C4orf50: variants seen among roughly 807,000 people sequenced by gnomAD.
C4orf50 encodes the protein uncharacterized protein C4orf50.
C4orf50 carries 80 observed loss-of-function variants against 77.2 expected under a neutral mutation model. The ratio of observed to expected loss-of-function variants is 1.04; its 90% confidence interval spans 0.87 to 1.25. The LOEUF is 1.25. Ranked by LOEUF, C4orf50 falls within the 50% of genes most tolerant of loss-of-function variation. C4orf50 has a pLI of 0.00. For missense variants in C4orf50, 1,257 were observed against 1,152.9 expected (o/e 1.09, Z -1.31); for synonymous variants, 532 against 465.3 (o/e 1.14, Z -1.84).
exon 28 of C4orf50, chr4:5,990,593 C>G (rs537002462): frequency 2.5e-6 from 1 of 398,996 alleles, no homozygotes; most frequent in African/African-American, 2.1e-5. Context: ...TCTGAGGGAA[C>G]CTCCTGGAGC....
chr4:5,966,960 G>C (rs1719608670), intron 32 of C4orf50, among the ~76,000 whole-genome samples: 1 of 152,156 alleles, frequency 6.6e-6, no homozygotes, highest in African/African-American at 2.4e-5. Flanking sequence ...TATCCTAACA[G>C]TTTCAAACTT....
At chr4:5,949,166 C>A (rs866534122) in intron 7 of C4orf50, among the ~76,000 whole-genome samples, 6 of 152,144 alleles carry the variant, frequency 3.9e-5, no homozygotes, top group East Asian at 1.9e-4. Context: ...AGCAGCAAGA[C>A]CCCCGCCCTG....
chr4:5,979,544 G>C (rs1390382270), intron 29 of C4orf50, among the ~76,000 whole-genome samples: 1 of 152,246 alleles, frequency 6.6e-6, no homozygotes, highest in Non-Finnish European at 1.5e-5. Context: ...TGTTAAGGTT[G>C]AGGAGAAGGA....
At chr4:5,982,881 A>G (rs1013703768) in intron 28 of C4orf50, among the ~76,000 whole-genome samples, 4 of 152,122 alleles carry the variant, frequency 2.6e-5, no homozygotes, top group African/African-American at 4.8e-5. Context: ...GAAGGTGAAG[A>G]ATGAGGGCAG....
At chr4:6,013,676 G>A (rs949254400) in intron 23 of C4orf50, among the ~76,000 whole-genome samples, 1 of 152,100 alleles carries the variant, frequency 6.6e-6, no homozygotes, top group Non-Finnish European at 1.5e-5. Flanking sequence ...ACTTAGGGAC[G>A]GCCCTGTGGA....
At chr4:5,913,741 C>G (rs1716908235) in intron 7 of C4orf50, among the ~76,000 whole-genome samples, 1 of 152,202 alleles carries the variant, frequency 6.6e-6, no homozygotes, top group Admixed American at 6.5e-5. Flanking sequence ...GACCAAACCT[C>G]CAGGCTGCCA....
chr4:5,978,542 A>G (rs1720405460), intron 29 of C4orf50, among the ~76,000 whole-genome samples: 1 of 152,214 alleles, frequency 6.6e-6, no homozygotes, highest in Non-Finnish European at 1.5e-5. Flanking sequence ...GTTTCCACAC[A>G]CACCCCCTCC....
At chr4:5,906,377 A>G (rs562339130) in intron 7 of C4orf50, among the ~76,000 whole-genome samples, 9 of 152,280 alleles carry the variant, frequency 5.9e-5, no homozygotes, top group African/African-American at 1.9e-4. Context: ...TTTTCTGGGC[A>G]GAGGAAACAG....
At chr4:5,959,993 G>C (rs551827232) in intron 33 of C4orf50, among the ~76,000 whole-genome samples, 1 of 152,144 alleles carries the variant, frequency 6.6e-6, no homozygotes, top group African/African-American at 2.4e-5. Flanking sequence ...CCTTGAAAGG[G>C]GAAGTCATGT....
chr4:5,936,460 GCTGAT>G (rs1718017791), intron 7 of C4orf50, among the ~76,000 whole-genome samples: 1 of 150,656 alleles, frequency 6.6e-6, no homozygotes, highest in African/African-American at 2.4e-5. Flanking sequence ...TACTCAGGAG[GCTGAT>G]GCAGGAGAAT....
exon 34 of C4orf50, chr4:5,959,246 C>T: frequency 1.8e-6 from 2 of 1,116,606 alleles, no homozygotes; most frequent in Non-Finnish European, 2.6e-6. Context: ...AATCCCAAAG[C>T]CGAAGGCAAA....
intron 32 of C4orf50, among the ~76,000 whole-genome samples, chr4:5,966,658 G>T (rs67483745): frequency 0.39 from 52,610 of 133,276 alleles, 9,511 homozygotes; most frequent in Admixed American, 0.46. Context: ...TATCTTAAGA[G>T]GTTTTTTTTT....
rs1577997982 is a variant in C4orf50, at chr4:6,008,442, G to C, written c.517C>G (p.Gln173Glu). 1 of 396,968 alleles carries C rather than the reference G, an allele frequency of 2.5e-6. No homozygotes were observed. Among genetic ancestry groups the C allele is most frequent in the East Asian group, 3.6e-5 (1 of 27,958 alleles). 24.6% of individuals were successfully genotyped at this position (396,968 alleles called of 1,614,324 possible). A position where few individuals can be genotyped will look rare whatever the true frequency, so the allele number is the denominator to read the frequency against. ...CGGCAGCGCTCCAGGGCCGCCGCCTGCTGCCCCAGTGCCTCGTCCTTGCGC... is the reference window on the plus strand; with the variant it reads ...CGGCAGCGCTCCAGGGCCGCCGCCTCCTGCCCCAGTGCCTCGTCCTTGCGC... Residue 173 changes from glutamine (Q) to glutamate (E), a missense_variant, in exon 25 of 34, where the codon CAG becomes GAG. Physicochemically the swap from Gln to Glu is conservative, Grantham distance 29. Coordinates refer to ENST00000531445, the Ensembl canonical transcript of C4orf50. This position sits in a 1 kb window ranked among gnomAD's most constrained non-coding sequence, Gnocchi z 6.0.
chr4:5,989,033 C>A, exon 28 of C4orf50: 3 of 1,536,054 alleles, frequency 2.0e-6, no homozygotes, highest in Non-Finnish European at 2.6e-6. Flanking sequence ...CCATTGCAGT[C>A]TTCAAGGTCA....
intron 28 of C4orf50, 93 bp from the exon 7 acceptor site, chr4:5,980,431 GTTTT>G (rs58696068): frequency 3.3e-5 from 31 of 941,394 alleles, no homozygotes; most frequent in African/African-American, 8.9e-5. Flanking sequence ...CCACTCCGTA[GTTTT>G]TTTTTTTGTT....
In C4orf50 at chr4:5,968,033, A is replaced by G. The variant is rs6446423; in HGVS notation, c.4105-571T>C. ...AGGTTAGAGTTGTTTCCAGACTGGC[A>G]GCCTGGATCTCACTTCCTCTTGGGT... On this transcript the variant is annotated intron_variant, in intron 31 of 33. Transcript: ENST00000531445. Among the ~76,000 whole-genome samples the G allele has an allele frequency of 6.7e-3, 1,025 of 152,340 alleles. 10 individuals carry two copies. Among genetic ancestry groups the G allele is most frequent in the African/African-American group, 0.023 (950 of 41,586 alleles).
chr4:5,988,662 G>T (rs113587573), exon 28 of C4orf50: 1 of 1,536,066 alleles, frequency 6.5e-7, no homozygotes, highest in South Asian at 1.2e-5. Context: ...TGTCTAGAGC[G>T]TGCATCTTGG....
chr4:5,944,040 T>A (rs1487940494), intron 7 of C4orf50, among the ~76,000 whole-genome samples: 1 of 152,140 alleles, frequency 6.6e-6, no homozygotes, highest in African/African-American at 2.4e-5. Context: ...GCAGCCCCCA[T>A]CTGAACCCTG....
intron 25 of C4orf50, among the ~76,000 whole-genome samples, chr4:6,003,483 T>C (rs1317113473): frequency 6.9e-6 from 1 of 143,920 alleles, no homozygotes; most frequent in African/African-American, 2.6e-5. Context: ...ATGGTGGTCA[T>C]GGTGATGGTG....
Sources: allele counts gnomAD v4.1 joint callset (sites outside exome capture counted in the v4.1 genomes callset), GRCh38; gene constraint gnomAD v4.1.1; non-coding constraint Gnocchi (gnomAD v3.1); transcripts MANE v1.5; gene names NCBI Gene and HGNC (gene_info 2026-07-23, HGNC 2026-07-21).